Variants in FANCC observed in about 807,000 individuals in gnomAD.
The protein encoded by FANCC is FA complementation group C.
A neutral mutation model predicts 71.3 loss-of-function variants in FANCC; 55 were observed. The ratio of observed to expected loss-of-function variants is 0.77; its 90% CI spans 0.62 to 0.97. The LOEUF is 0.97. FANCC is among the 50% of genes least tolerant of loss of function. The probability of loss-of-function intolerance (pLI) is 0.00; values close to 1 mark genes in which losing one functional copy is unlikely to be tolerated. For synonymous variants in FANCC, 275 were observed against 244.9 expected, an observed-to-expected ratio of 1.12 and a Z score of -1.15; for missense variants, 678 against 670.9, an observed-to-expected ratio of 1.01 and a Z score of -0.12.
At chr9:95,173,752 TA>T (rs1281495428) in intron 4 of FANCC, among the ~76,000 whole-genome samples, 3 of 151,828 alleles carry the variant, frequency 2.0e-5, no homozygotes, top group Non-Finnish European at 4.4e-5. Flanking sequence ...CCCACCTCTA[TA>T]AAAAATACAA....
At chr9:95,284,862 A>T (rs905915342) in intron 1 of FANCC, among the ~76,000 whole-genome samples, 17 of 112,526 alleles carry the variant, frequency 1.5e-4, no homozygotes, top group African/African-American at 4.3e-4. Context: ...CCTCTCTCTC[A>T]CACACACACA....
intron 1 of FANCC, among the ~76,000 whole-genome samples, chr9:95,276,922 C>CTCTA (rs1397872972): frequency 6.6e-6 from 1 of 152,198 alleles, no homozygotes; most frequent in Non-Finnish European, 1.5e-5. Context: ...TTTTCGCAAG[C>CTCTA]TCTAGTACAT....
chr9:95,114,462 G>C (rs904347431), intron 12 of FANCC, 167 bp downstream of exon 12: 2 of 726,294 alleles, frequency 2.8e-6, no homozygotes, highest in East Asian at 2.6e-5. Context: ...CAAGCCATCC[G>C]TGCAGCCATG....
chr9:95,307,756 A>C (rs1363532833), intron 1 of FANCC, among the ~76,000 whole-genome samples: 1 of 152,252 alleles, frequency 6.6e-6, no homozygotes, highest in African/African-American at 2.4e-5. Context: ...ACTGCAAAGA[A>C]GACAGCCAGG....
intron 7 of FANCC, among the ~76,000 whole-genome samples, chr9:95,147,038 TAC>T (rs1159531365): frequency 1.3e-5 from 2 of 150,372 alleles, no homozygotes; most frequent in Non-Finnish European, 3.0e-5. Context: ...TATGTATATA[TAC>T]AGTGTATATT....
At chr9:95,135,236 G>C (rs1827502840) in intron 8 of FANCC, 110 bp downstream of exon 8, 1 of 1,061,158 alleles carries the variant, frequency 9.4e-7, no homozygotes. Flanking sequence ...ATATATAAAG[G>C]TTCCAATTGC....
In FANCC at chr9:95,249,339, C is replaced by A. The variant is rs1283535718; in HGVS notation, c.-48G>T. 1.3e-6 allele frequency: 2 copies of A among 1,581,072 alleles called. 1 individual carries two copies. The highest frequency in any genetic ancestry group is 1.7e-6 in the Non-Finnish European group (2 of 1,151,378). ...TGTCCCTTCACAGCAGCCTGTCCAG[C>A]ACTGAAGGAAATGGTCGGCACACAT... On this transcript the variant is annotated 5_prime_UTR_variant, in exon 2 of 15. Coordinates refer to ENST00000289081, the MANE Select transcript of FANCC (RefSeq NM_000136.3).
At chr9:95,152,248 C>T (rs1181480234) in intron 6 of FANCC, among the ~76,000 whole-genome samples, 1 of 152,154 alleles carries the variant, frequency 6.6e-6, no homozygotes, top group Non-Finnish European at 1.5e-5. Context: ...GTACATGACA[C>T]AGATGCAAAG....
intron 1 of FANCC, among the ~76,000 whole-genome samples, chr9:95,258,668 T>C (rs368072936): frequency 2.0e-4 from 30 of 152,276 alleles, no homozygotes; most frequent in African/African-American, 5.8e-4. Context: ...CTGTTCAACA[T>C]AGTATCGGAA....
intron 1 of FANCC, among the ~76,000 whole-genome samples, chr9:95,284,933 G>C (rs1045338670): frequency 1.3e-5 from 2 of 151,218 alleles, no homozygotes; most frequent in African/African-American, 4.9e-5. Context: ...CGCACAGAGA[G>C]AGACACGCAC....
At chr9:95,156,609 G>C (rs1319391817) in intron 6 of FANCC, among the ~76,000 whole-genome samples, 1 of 152,086 alleles carries the variant, frequency 6.6e-6, no homozygotes, top group Non-Finnish European at 1.5e-5. Context: ...AGCCCTTTTA[G>C]AAGCTTTTGT....
chr9:95,207,978 C>T (rs941456158), intron 4 of FANCC, among the ~76,000 whole-genome samples: 3 of 149,894 alleles, frequency 2.0e-5, no homozygotes, highest in African/African-American at 4.9e-5. Context: ...GTATTTCAGC[C>T]TAGATGTTAA....
At chr9:95,245,982 T>C (rs1830948064) in intron 3 of FANCC, among the ~76,000 whole-genome samples, 1 of 152,202 alleles carries the variant, frequency 6.6e-6, no homozygotes, top group African/African-American at 2.4e-5. Context: ...TAACTGCAAG[T>C]GCAGAAAGTC....
chr9:95,242,380 T>C (rs1297129988), intron 3 of FANCC, among the ~76,000 whole-genome samples: 1 of 151,050 alleles, frequency 6.6e-6, no homozygotes, highest in Non-Finnish European at 1.5e-5. Context: ...ATGTAGTAAG[T>C]GTGACAGATG....
chr9:95,209,793 G>A (rs1158299077), intron 4 of FANCC, among the ~76,000 whole-genome samples: 3 of 152,034 alleles, frequency 2.0e-5, no homozygotes, highest in Non-Finnish European at 4.4e-5. Flanking sequence ...TCTGGTTCAA[G>A]CCCTCATAAC....
chr9:95,161,875 T>C (rs1185145744), intron 6 of FANCC, among the ~76,000 whole-genome samples: 4 of 147,800 alleles, frequency 2.7e-5, no homozygotes, highest in Admixed American at 2.0e-4. Context: ...ATAATCTTGC[T>C]CTGTCACCCA....
chr9:95,124,212 C>T (rs1276183523), intron 10 of FANCC, among the ~76,000 whole-genome samples: 1 of 151,562 alleles, frequency 6.6e-6, no homozygotes, highest in Non-Finnish European at 1.5e-5. Flanking sequence ...TTGTAGTTCT[C>T]CTCTCGGAAG....
chr9:95,236,778 T>C (rs183744651), intron 4 of FANCC, among the ~76,000 whole-genome samples: 39 of 152,346 alleles, frequency 2.6e-4, no homozygotes, highest in South Asian at 1.0e-3. Context: ...TAGCACATGG[T>C]AGGCCCTAAT....
intron 4 of FANCC, among the ~76,000 whole-genome samples, chr9:95,214,336 G>A (rs1289384052): frequency 1.3e-5 from 2 of 152,168 alleles, no homozygotes; most frequent in Non-Finnish European, 2.9e-5. Context: ...AGAGGCTGGG[G>A]TTGGAAGATC....
Sources: allele counts gnomAD v4.1 joint callset (sites outside exome capture counted in the v4.1 genomes callset), GRCh38; gene constraint gnomAD v4.1.1; transcripts MANE v1.5; gene names NCBI Gene and HGNC (gene_info 2026-07-23, HGNC 2026-07-21).